Variants in PTPRM observed in about 807,000 individuals in gnomAD.
PTPRM encodes the protein protein tyrosine phosphatase receptor type M.
Under a neutral mutation model 186.7 loss-of-function variants are expected in PTPRM, and 47 were observed. The observed-to-expected ratio is 0.25, with a 90% CI of 0.20 to 0.32. The LOEUF (loss-of-function observed/expected upper bound fraction) is 0.32, where lower values mean the gene tolerates loss of function less well. Among genes scored for constraint, PTPRM ranks in the 10% least tolerant of loss-of-function variants. The pLI is 1.00. For missense variants in PTPRM, 1,494 were observed against 1,865.0 expected (o/e 0.80, Z 3.66); for synonymous variants, 668 against 674.9 (o/e 0.99, Z 0.16).
chr18:8,329,090 T>C (rs1401665324), intron 22 of PTPRM, among the ~76,000 whole-genome samples: 1 of 152,242 alleles, frequency 6.6e-6, no homozygotes, highest in Admixed American at 6.5e-5. Flanking sequence ...AAATAAATGA[T>C]GTCCTGTTGT....
chr18:7,867,311 G>T (rs1256949956), intron 2 of PTPRM, among the ~76,000 whole-genome samples: 2 of 152,136 alleles, frequency 1.3e-5, no homozygotes, highest in Non-Finnish European at 1.5e-5. Context: ...TTTACAATTT[G>T]CCATGTTTTT....
chr18:7,818,779 C>A (rs1369110917), intron 2 of PTPRM, among the ~76,000 whole-genome samples: 1 of 152,178 alleles, frequency 6.6e-6, no homozygotes, highest in Non-Finnish European at 1.5e-5. Flanking sequence ...ACTGGTGGAG[C>A]AAATGCACAA....
At chr18:8,021,805 A>G (rs997813643) in intron 7 of PTPRM, among the ~76,000 whole-genome samples, 1 of 151,000 alleles carries the variant, frequency 6.6e-6, no homozygotes, top group Non-Finnish European at 1.5e-5. Flanking sequence ...CTGGTCTTGA[A>G]CTCCTAGGCT....
chr18:7,602,994 C>T (rs2037443539), intron 1 of PTPRM, among the ~76,000 whole-genome samples: 1 of 151,132 alleles, frequency 6.6e-6, no homozygotes, highest in Non-Finnish European at 1.5e-5. Flanking sequence ...GTGTTGTGAT[C>T]TCGGCTCGCT....
rs115412570 is a variant in PTPRM at position 8,112,389 on chromosome 18, C to A, written c.1857-1097C>A. Among the ~76,000 whole-genome samples the A allele has an allele frequency of 6.0e-3, 915 of 152,298 alleles. 6 individuals carry two copies. Among genetic ancestry groups the A allele is most frequent in the African/African-American group, 0.021 (865 of 41,570 alleles). On this transcript the variant is annotated intron_variant, in intron 11 of 32. Transcript: ENST00000580170. Reference sequence around the variant, plus strand: ...AGACAAACCTTTCTAGGCATTCCCCCCATGGGTGGGGATAGCAGGCAGCCC... The same window carrying A: ...AGACAAACCTTTCTAGGCATTCCCCACATGGGTGGGGATAGCAGGCAGCCC...
intron 11 of PTPRM, among the ~76,000 whole-genome samples, chr18:8,098,153 A>G (rs968543752): frequency 1.2e-4 from 19 of 152,140 alleles, no homozygotes; most frequent in African/African-American, 4.3e-4. Context: ...TGATGTTTGC[A>G]CAAAGATGGA....
intron 3 of PTPRM, among the ~76,000 whole-genome samples, chr18:7,894,063 G>C (rs1285258301): frequency 6.6e-6 from 1 of 152,142 alleles, no homozygotes; most frequent in Non-Finnish European, 1.5e-5. Flanking sequence ...TTGAGCCAGG[G>C]GAGGGGCTTC....
chr18:7,948,665 G>A (rs183137616), intron 5 of PTPRM, among the ~76,000 whole-genome samples: 3 of 152,238 alleles, frequency 2.0e-5, no homozygotes, highest in East Asian at 1.9e-4. Flanking sequence ...CAGGAAGAAC[G>A]TCAAAAGGGT....
intron 7 of PTPRM, among the ~76,000 whole-genome samples, chr18:7,994,508 G>A (rs980853620): frequency 5.9e-5 from 9 of 152,052 alleles, no homozygotes; most frequent in Non-Finnish European, 1.3e-4. Context: ...CCTTTCATCC[G>A]ACAACTGCAG....
intron 14 of PTPRM, among the ~76,000 whole-genome samples, chr18:8,165,572 C>T (rs936080761): frequency 3.3e-5 from 5 of 152,172 alleles, no homozygotes; most frequent in Non-Finnish European, 5.9e-5. Context: ...AGTTAGGCAG[C>T]GTGTACCGCC....
chr18:7,961,932 T>C (rs1362808679), intron 7 of PTPRM, among the ~76,000 whole-genome samples: 1 of 152,216 alleles, frequency 6.6e-6, no homozygotes, highest in Non-Finnish European at 1.5e-5. Context: ...ACTTGGAATA[T>C]GTATTACATT....
intron 20 of PTPRM, among the ~76,000 whole-genome samples, chr18:8,310,952 T>C (rs1017965299): frequency 1.3e-5 from 2 of 152,170 alleles, no homozygotes; most frequent in African/African-American, 4.8e-5. Flanking sequence ...AATGATTAGG[T>C]AAGAGATTTC....
At chr18:8,329,038 G>A (rs1254897048) in intron 22 of PTPRM, among the ~76,000 whole-genome samples, 1 of 152,176 alleles carries the variant, frequency 6.6e-6, no homozygotes, top group Non-Finnish European at 1.5e-5. Context: ...GGAAAATGTG[G>A]CCCTCTAATA....
chr18:8,173,044 A>T (rs942191701), intron 14 of PTPRM, among the ~76,000 whole-genome samples: 3 of 152,260 alleles, frequency 2.0e-5, no homozygotes, highest in Non-Finnish European at 4.4e-5. Context: ...TAGGAGTGGT[A>T]GAGAGACATA....
intron 1 of PTPRM, among the ~76,000 whole-genome samples, chr18:7,623,503 G>T (rs1199037063): frequency 6.6e-6 from 1 of 152,104 alleles, no homozygotes; most frequent in African/African-American, 2.4e-5. Context: ...TGTTTCAGTG[G>T]TCGAGATCAT....
chr18:7,596,094 A>AT (rs1219210436), intron 1 of PTPRM, among the ~76,000 whole-genome samples: 1 of 152,178 alleles, frequency 6.6e-6, no homozygotes, highest in Admixed American at 6.5e-5. Context: ...GTTACCCACA[A>AT]TCAACCCCAG....
At chr18:8,371,967 A>G (rs1280643359) in intron 24 of PTPRM, among the ~76,000 whole-genome samples, 1 of 150,654 alleles carries the variant, frequency 6.6e-6, no homozygotes, top group East Asian at 2.0e-4. Flanking sequence ...GCTTCTACTC[A>G]TGTAATAGTA....
At position 8,072,745 on chromosome 18, in the gene PTPRM, A is replaced by G. The variant is rs146677029; in HGVS notation, c.1441+2751A>G. 7.5e-3 allele frequency among the ~76,000 whole-genome samples: 1,143 copies of G among 152,276 alleles called. 7 individuals carry two copies. The highest frequency in any genetic ancestry group is 0.03 in the South Asian group (143 of 4,826). ...AAAAAATTTACCTTTCATTAATGTT[A>G]GTAGAATCCTATACAGCCCAGGGAT... On this transcript the variant is annotated intron_variant, in intron 8 of 32. Transcript: ENST00000580170.
rs748191809 is a variant in PTPRM at position 7,861,091 on chromosome 18, A to G, written c.197-27015A>G. Among the ~76,000 whole-genome samples, 15 of 152,214 alleles carry G rather than the reference A, an allele frequency of 9.9e-5. 1 individual carries two copies. The Middle Eastern group carries it at 0.01, about 104-fold the overall frequency. ...GTATGTCCCTCTGTTGGATGAGCCCATGATCTCCCTGAAGCCCTAGTCCAT... is the reference window on the plus strand; with the variant it reads ...GTATGTCCCTCTGTTGGATGAGCCCGTGATCTCCCTGAAGCCCTAGTCCAT... On this transcript the variant is annotated intron_variant, in intron 2 of 32. Transcript: ENST00000580170.
Sources: gnomAD v4.1 joint callset for allele counts (sites outside exome capture counted in the v4.1 genomes callset) on GRCh38, gnomAD v4.1.1 for gene constraint, MANE v1.5 for transcripts, NCBI Gene and HGNC (gene_info 2026-07-23, HGNC 2026-07-21) for gene names.